The following SV2C variants were observed in gnomAD, a reference collection of about 807,000 sequenced individuals.
SV2C encodes the protein solute carrier family 22 member B3.
SV2C carries 49 observed loss-of-function variants against 79.7 expected under a neutral mutation model. That is an observed-to-expected ratio of 0.61 (90% CI 0.49 to 0.78). SV2C has a LOEUF of 0.78. Ranked by LOEUF, SV2C falls within the 30% of genes least tolerant of loss-of-function variation. The pLI is 0.00. For synonymous variants in SV2C, 334 were observed against 333.2 expected, an observed-to-expected ratio of 1.00 and a Z score of -0.03; for missense variants, 833 against 912.9, an observed-to-expected ratio of 0.91 and a Z score of 1.13.
chr5:76,260,129 G>A (rs1211412500), intron 4 of SV2C, among the ~76,000 whole-genome samples: 2 of 151,974 alleles, frequency 1.3e-5, no homozygotes, highest in Non-Finnish European at 2.9e-5. Flanking sequence ...TTTAATGATC[G>A]CCATTCTAAC....
rs1476687795 is a variant in SV2C, at chr5:76,132,044, T to A, written c.294T>A (p.Ser98Arg). The A allele has an allele frequency of 3.1e-6, 5 of 1,611,820 alleles. No homozygotes were observed. Among genetic ancestry groups the A allele is most frequent in the African/African-American group, 1.3e-5 (1 of 74,748 alleles). The change falls in exon 2 of 13, where the codon AGT becomes AGA. Residue 98 changes from serine (S) to arginine (R), a missense_variant. By Grantham distance (110) the Ser-to-Arg change is moderately radical. Transcript: ENST00000502798. ...IYEGEYQGIP[S>R]MNQAKDSIVS... The stretch of plus-strand genomic sequence containing the variant: ...AGGGGGAGTATCAGGGCATCCCCAG[T>A]ATGAACCAAGCGAAGGACAGCATCG...
Position 76,327,193 on chromosome 5 carries a change from CTTCTTT to C in SV2C, c.*1647_*1652del, listed in dbSNP as rs1294188827. Reference sequence around the variant, plus strand: ...CGCAGAGCTCAGACTAAGTGAAAAGCTTCTTTCATTAACATAAGCCATTAATCGACT... The same window carrying C: ...CGCAGAGCTCAGACTAAGTGAAAAGCCATTAACATAAGCCATTAATCGACT... On this transcript the variant is annotated 3_prime_UTR_variant, in exon 13 of 13. Coordinates refer to ENST00000502798, the MANE Select transcript of SV2C (RefSeq NM_014979.4). 2 of 152,082 alleles carry C rather than the reference CTTCTTT, an allele frequency of 1.3e-5. No individual in the cohort carries two copies. The highest frequency in any genetic ancestry group is 4.8e-5 in the African/African-American group (2 of 41,414). The allele number at this position is 152,082 out of a possible 1,614,324, so 9.4% of individuals were successfully genotyped here.
At chr5:76,257,381 G>GA (rs1561286347) in intron 4 of SV2C, among the ~76,000 whole-genome samples, 1 of 151,398 alleles carries the variant, frequency 6.6e-6, no homozygotes, top group Non-Finnish European at 1.5e-5. Flanking sequence ...GGGGTGTGGG[G>GA]GGTGCGTGTA....
chr5:76,051,779 T>C, the SV2C span, among the ~76,000 whole-genome samples: 1 of 152,216 alleles, frequency 6.6e-6, no homozygotes, highest in Non-Finnish European at 1.5e-5. Context: ...GGACTAGGAA[T>C]AAAGTTTTCC....
At chr5:75,914,536 G>A in the SV2C span, among the ~76,000 whole-genome samples, 7 of 152,156 alleles carry the variant, frequency 4.6e-5, no homozygotes, top group East Asian at 1.2e-3. Context: ...GTGTTAGTCA[G>A]CATTTGTTAC....
chr5:76,197,914 A>T lies in SV2C; in HGVS notation c.761+2815A>T, dbSNP rs552692970. On this transcript the variant is annotated intron_variant, in intron 3 of 12. Coordinates refer to ENST00000502798, the MANE Select transcript of SV2C (RefSeq NM_014979.4). ...CTCTCATTCCAAGGCTAAAGGCCTA[A>T]TAACTCAGGGTGCTGCTAGTGCAAG... Among the ~76,000 whole-genome samples, 32 of 152,328 alleles carry T rather than the reference A, an allele frequency of 2.1e-4. No individual in the cohort carries two copies. The South Asian group carries it at 5.4e-3, about 26-fold the overall frequency.
rs956872582 is a variant in SV2C, at chr5:76,333,390, G to A, written c.*7843G>A. ...ACTATCTAGATACACTAAATAACATGATAGAAGAGTTTTCTCTTTCAGGTG... is the reference window on the plus strand; with the variant it reads ...ACTATCTAGATACACTAAATAACATAATAGAAGAGTTTTCTCTTTCAGGTG... On this transcript the variant is annotated 3_prime_UTR_variant, in exon 13 of 13. Coordinates refer to ENST00000502798, the MANE Select transcript of SV2C (RefSeq NM_014979.4). 4 of 152,158 alleles carry A rather than the reference G, an allele frequency of 2.6e-5. No individual in the cohort carries two copies. The highest frequency in any genetic ancestry group is 9.7e-5 in the African/African-American group (4 of 41,436). The allele number at this position is 152,158 out of a possible 1,614,324, so 9.4% of individuals were successfully genotyped here. A position where few individuals can be genotyped will look rare whatever the true frequency, so the allele number is the denominator to read the frequency against.
At chr5:76,049,892 A>T in the SV2C span, among the ~76,000 whole-genome samples, 5 of 152,242 alleles carry the variant, frequency 3.3e-5, no homozygotes, top group East Asian at 9.6e-4. Flanking sequence ...CTAAAACAAA[A>T]CAAAATTCTC....
chr5:76,000,130 C>G, the SV2C span, among the ~76,000 whole-genome samples: 1 of 152,130 alleles, frequency 6.6e-6, no homozygotes, highest in East Asian at 1.9e-4. Flanking sequence ...AATTCAAATG[C>G]TTGTCTCTTT....
intron 4 of SV2C, chr5:76,242,376 C>G (rs1345802661): frequency 3.3e-6 from 3 of 921,474 alleles, no homozygotes; most frequent in Non-Finnish European, 5.0e-6. Flanking sequence ...GACCGGGGGT[C>G]GTTCTCGCCT....
the SV2C span, among the ~76,000 whole-genome samples, chr5:75,903,379 A>T: frequency 0.54 from 77,213 of 143,780 alleles, 20,057 homozygotes; most frequent in African/African-American, 0.64. Flanking sequence ...TTTTTTTTTT[A>T]AAAAAAAAAG....
downstream of SV2C, among the ~76,000 whole-genome samples, chr5:76,337,438 C>G (rs60514411): frequency 0.054 from 8,162 of 152,158 alleles, 743 homozygotes; most frequent in African/African-American, 0.19. Flanking sequence ...TGAGGCACTG[C>G]GGGGTTGGGA....
At chr5:76,217,287 A>G (rs1304944671) in intron 4 of SV2C, among the ~76,000 whole-genome samples, 1 of 152,176 alleles carries the variant, frequency 6.6e-6, no homozygotes, top group African/African-American at 2.4e-5. Flanking sequence ...AAACATCCCT[A>G]CTTCCTTTGG....
downstream of SV2C, among the ~76,000 whole-genome samples, chr5:76,334,122 C>T (rs1324868739): frequency 6.6e-6 from 1 of 152,060 alleles, no homozygotes; most frequent in Admixed American, 6.6e-5. Context: ...GTTGATCTTA[C>T]GTGAGTATTT....
intron 4 of SV2C, among the ~76,000 whole-genome samples, chr5:76,276,402 C>T (rs1747023275): frequency 6.6e-6 from 1 of 152,196 alleles, no homozygotes; most frequent in African/African-American, 2.4e-5. Context: ...GAGGAGTACC[C>T]AACACCCTTT....
At chr5:76,220,153 C>T (rs1462489841) in intron 4 of SV2C, among the ~76,000 whole-genome samples, 2 of 151,950 alleles carry the variant, frequency 1.3e-5, no homozygotes, top group African/African-American at 2.4e-5. Context: ...ATACATAAAG[C>T]GAAATAAATA....
chr5:76,291,704 G>C (rs926172218), intron 7 of SV2C, 64 bp from the exon 8 acceptor site: 2 of 1,090,336 alleles, frequency 1.8e-6, no homozygotes, highest in African/African-American at 3.2e-5. Context: ...TTTGGTGGAA[G>C]GGGTCGGGGA....
chr5:76,082,645 C>T (rs1030476888), upstream of SV2C, among the ~76,000 whole-genome samples: 19 of 130,280 alleles, frequency 1.5e-4, no homozygotes, highest in African/African-American at 5.6e-4. Flanking sequence ...CCCCCCCCCC[C>T]TCATATTTGG....
chr5:76,040,926 A>G, the SV2C span, among the ~76,000 whole-genome samples: 1 of 152,194 alleles, frequency 6.6e-6, no homozygotes, highest in Non-Finnish European at 1.5e-5. Flanking sequence ...GCCTACCAAA[A>G]CAGGCAACTT....
Sources: gnomAD v4.1 joint callset for allele counts (sites outside exome capture counted in the v4.1 genomes callset) on GRCh38, gnomAD v4.1.1 for gene constraint, MANE v1.5 for transcripts, NCBI Gene and HGNC (gene_info 2026-07-23, HGNC 2026-07-21) for gene names.